The following CCPG1 variants were observed in gnomAD, a reference collection of about 807,000 sequenced individuals.
CCPG1 encodes the protein cell cycle progression protein 1.
CCPG1 carries 46 observed loss-of-function variants against 81.3 expected under a neutral mutation model. The observed-to-expected ratio is 0.57, with a 90% CI of 0.45 to 0.72. CCPG1 has a LOEUF of 0.72. Among genes scored for constraint, CCPG1 ranks in the 30% least tolerant of loss-of-function variants. CCPG1 has a pLI of 0.00. For synonymous variants in CCPG1, 330 were observed against 305.2 expected, an observed-to-expected ratio of 1.08 and a Z score of -0.85; for missense variants, 902 against 937.6, an observed-to-expected ratio of 0.96 and a Z score of 0.50.
At chr15:55,387,702 G>A (rs1409130182) in intron 2 of CCPG1, among the ~76,000 whole-genome samples, 10 of 151,706 alleles carry the variant, frequency 6.6e-5, no homozygotes, top group Non-Finnish European at 1.3e-4. Flanking sequence ...GTGCGACCAC[G>A]CCTGGCTAAT....
intron 5 of CCPG1, chr15:55,373,061 C>T (rs1244881712): frequency 1.9e-6 from 1 of 527,438 alleles, no homozygotes; most frequent in Non-Finnish European, 3.9e-6. Context: ...TATTCTGGTG[C>T]TGCTCCTTTA....
At chr15:55,392,809 A>G (rs114965673) in intron 1 of CCPG1, among the ~76,000 whole-genome samples, 17,465 of 152,198 alleles carry the variant, frequency 0.11, 1,502 homozygotes, top group African/African-American at 0.23. Flanking sequence ...AAGCGGTTGT[A>G]TCTGGTCAGA....
chr15:55,393,256 G>T (rs1595860873), intron 1 of CCPG1, among the ~76,000 whole-genome samples: 1 of 152,142 alleles, frequency 6.6e-6, no homozygotes, highest in Non-Finnish European at 1.5e-5. Context: ...GCAACATAGT[G>T]AGACTCCCCA....
intron 7 of CCPG1, among the ~76,000 whole-genome samples, chr15:55,361,456 C>T (rs1356998382): frequency 6.6e-6 from 1 of 151,286 alleles, no homozygotes; most frequent in Non-Finnish European, 1.5e-5. Context: ...GCCTGTAATC[C>T]CAGCACTTTG....
chr15:55,406,281 C>A (rs879092983), intron 1 of CCPG1, among the ~76,000 whole-genome samples: 1 of 146,324 alleles, frequency 6.8e-6, no homozygotes, highest in Admixed American at 6.9e-5. Context: ...GATATAGAAA[C>A]TCTCAAAGTG....
At chr15:55,380,420 C>T (rs2056660837) in intron 3 of CCPG1, among the ~76,000 whole-genome samples, 1 of 151,456 alleles carries the variant, frequency 6.6e-6, no homozygotes, top group African/African-American at 2.4e-5. Flanking sequence ...CTCAGGCTCC[C>T]AAGTAGCTGG....
At position 55,360,895 on chromosome 15, in the gene CCPG1, TTC is replaced by T; in HGVS notation, c.876_877del (p.Lys293AspfsTer4). ...CGTTTTCTGAGTTTCAAAGGACATC[TTC>T]TCTGCTTCAGTAAGTGTCCAACACC... On this transcript the variant is annotated frameshift_variant, in exon 8 of 9. Transcript: ENST00000442196. LOFTEE classifies it high-confidence loss of function. 6.3e-7 allele frequency: 1 copy of T among 1,594,584 alleles called. No individual in the cohort carries two copies. The highest frequency in any genetic ancestry group is 8.5e-7 in the Non-Finnish European group (1 of 1,173,962).
intron 5 of CCPG1, chr15:55,374,335 TATCA>T: frequency 1.5e-6 from 1 of 660,568 alleles, no homozygotes; most frequent in Non-Finnish European, 2.3e-6. Flanking sequence ...AATACTTAAT[TATCA>T]CTTAACATTG....
chr15:55,390,096 G>C lies in CCPG1; in HGVS notation c.-9-663C>G, dbSNP rs546341698. On this transcript the variant is annotated intron_variant, in intron 1 of 8. Transcript: ENST00000442196. ...GTGCCACCACGCCCCACTAATTTTT[G>C]TATTTTTAGTAGAGACGGGGTTTCA... Among the ~76,000 whole-genome samples the C allele has an allele frequency of 2.0e-5, 3 of 152,112 alleles. No individual in the cohort carries two copies. The East Asian group carries it at 5.8e-4, about 29-fold the overall frequency.
intron 1 of CCPG1, among the ~76,000 whole-genome samples, chr15:55,400,203 CAAAAAAAAAAAAAAA>C (rs61331208): frequency 3.0e-5 from 1 of 32,952 alleles, no homozygotes; most frequent in Non-Finnish European, 5.0e-5. Context: ...TACTCTACCT[CAAAAAAAAAAAAAAA>C]AAAAAAAAAA....
intron 7 of CCPG1, among the ~76,000 whole-genome samples, chr15:55,362,155 A>T (rs1043140079): frequency 2.0e-5 from 3 of 152,210 alleles, no homozygotes; most frequent in African/African-American, 7.2e-5. Flanking sequence ...AACCAAAAAC[A>T]GTCAAAACTT....
intron 6 of CCPG1, among the ~76,000 whole-genome samples, chr15:55,366,806 A>C (rs1017575744): frequency 6.6e-6 from 1 of 152,200 alleles, no homozygotes; most frequent in African/African-American, 2.4e-5. Flanking sequence ...AGGATTCTTC[A>C]TATTTTCATC....
chr15:55,362,192 A>G (rs931983207), intron 7 of CCPG1, among the ~76,000 whole-genome samples: 2 of 152,220 alleles, frequency 1.3e-5, no homozygotes, highest in African/African-American at 4.8e-5. Context: ...CAGGTTCTTA[A>G]AGCATTATAC....
chr15:55,392,616 G>A (rs971762694), intron 1 of CCPG1, among the ~76,000 whole-genome samples: 11 of 151,840 alleles, frequency 7.2e-5, no homozygotes, highest in Non-Finnish European at 1.3e-4. Flanking sequence ...GACCTCCCAG[G>A]CTCAAGCTAC....
chr15:55,383,304 C>A (rs540649961), intron 3 of CCPG1, among the ~76,000 whole-genome samples: 2 of 152,296 alleles, frequency 1.3e-5, no homozygotes, highest in Non-Finnish European at 2.9e-5. Context: ...TTAAAATATT[C>A]AGTAAACCAT....
intron 5 of CCPG1, among the ~76,000 whole-genome samples, chr15:55,376,587 T>A (rs1250727412): frequency 6.6e-6 from 1 of 152,204 alleles, no homozygotes; most frequent in Admixed American, 6.5e-5. Flanking sequence ...ACTATTTCTA[T>A]ATTACAAAAT....
In CCPG1 at chr15:55,376,993, C is replaced by A. The variant is rs756057103; in HGVS notation, c.410G>T (p.Gly137Val). ...AGTATACTGGCTGCTAGAGGAAGAG[C>A]CCATGTTAAAGTCTTCTGAACTCTG... ...EAQSSEDFNM[G>V]SSSSSQYTFC... Residue 137 changes from glycine to valine, a missense_variant, in exon 5 of 9, where the codon GGC becomes GTC. Gly to Val is a moderately radical substitution (Grantham distance 109, BLOSUM62 -3). Coordinates refer to ENST00000442196, the MANE Select transcript of CCPG1 (RefSeq NM_001204450.2). 6.2e-6 allele frequency: 10 copies of A among 1,613,486 alleles called. No homozygotes were observed. The Middle Eastern group carries it at 4.9e-4, about 80-fold the overall frequency.
At chr15:55,399,035 A>T (rs1410006981) in intron 1 of CCPG1, among the ~76,000 whole-genome samples, 1 of 152,190 alleles carries the variant, frequency 6.6e-6, no homozygotes, top group Admixed American at 6.5e-5. Flanking sequence ...AGTGCTGAAG[A>T]TACAGGACTG....
At chr15:55,366,616 A>G (rs2056333120) in intron 6 of CCPG1, among the ~76,000 whole-genome samples, 1 of 152,264 alleles carries the variant, frequency 6.6e-6, no homozygotes, top group African/African-American at 2.4e-5. Context: ...TACTAAAAAT[A>G]CAATATTAGC....
Sources: gnomAD v4.1 joint callset for allele counts (sites outside exome capture counted in the v4.1 genomes callset) on GRCh38, gnomAD v4.1.1 for gene constraint, MANE v1.5 for transcripts, NCBI Gene and HGNC (gene_info 2026-07-23, HGNC 2026-07-21) for gene names.